The following LRP4 variants were observed in gnomAD, a reference collection of about 807,000 sequenced individuals.
LRP4 encodes LDL receptor related protein 4, also known as low-density lipoprotein receptor-related protein 4.
A neutral mutation model predicts 220.3 loss-of-function variants in LRP4; 95 were observed. That is an observed-to-expected ratio of 0.43 (90% CI 0.37 to 0.51). LRP4 has a LOEUF of 0.51. LRP4 is among the 20% of genes least tolerant of loss of function. LRP4 has a pLI of 0.00. For missense variants in LRP4, 1,925 were observed against 2,567.0 expected (o/e 0.75, Z 5.40); for synonymous variants, 903 against 954.6 (o/e 0.95, Z 1.00).
Position 46,918,210 on chromosome 11 carries a change from C to T in LRP4, c.52+118G>A, listed in dbSNP as rs1941981984. 1.4e-5 allele frequency: 16 copies of T among 1,152,014 alleles called. No homozygotes were observed. In the South Asian group the frequency reaches 2.1e-4, roughly 15 times the overall value. The allele number at this position is 1,152,014 out of a possible 1,614,324, so 71.4% of individuals were successfully genotyped here. The stretch of plus-strand genomic sequence containing the variant: ...TCTCCCCTGCACGCAGCCCCAGGGC[C>T]ACGGCTAGGAGCGAGGGCGAGGGGT... On this transcript the variant is annotated intron_variant, in intron 1 of 37. Coordinates refer to ENST00000378623, the MANE Select transcript of LRP4 (RefSeq NM_002334.4). The surrounding 1 kb of genome is among the most constrained non-coding windows in gnomAD (Gnocchi z 6.0).
At chr11:46,913,425 G>A (rs535885075) in intron 1 of LRP4, among the ~76,000 whole-genome samples, 1 of 152,232 alleles carries the variant, frequency 6.6e-6, no homozygotes, top group Admixed American at 6.5e-5. Context: ...AGACAACAGG[G>A]GTCAAACTTT....
chr11:46,889,906 T>C lies in LRP4; in HGVS notation c.2092+38A>G, dbSNP rs2306035. On this transcript the variant is annotated intron_variant, in intron 15 of 37. Coordinates refer to ENST00000378623, the MANE Select transcript of LRP4 (RefSeq NM_002334.4). ...GAGGCACCAGAGGCCACCTCAACCA[T>C]GAGGCTACTTTGGCTCACCCGGTGG... The C allele has an allele frequency of 0.71, 1,146,823 of 1,612,522 alleles. 420,776 individuals carry two copies. Among genetic ancestry groups the C allele is most frequent in the Non-Finnish European group, 0.76 (894,000 of 1,178,730 alleles).
intron 1 of LRP4, among the ~76,000 whole-genome samples, chr11:46,914,714 G>A (rs1263186483): frequency 6.6e-6 from 1 of 152,180 alleles, no homozygotes; most frequent in Non-Finnish European, 1.5e-5. Context: ...ACCATGGCTG[G>A]AACAGGCTAA....
rs979149766 is a variant in LRP4 at position 46,918,395 on chromosome 11, G to A, written c.-16C>T. ...GCCGCCTCATGGTGCCGCCCGCGCC[G>A]CTCGCCCGGGGTCCCGCCGGCTCCC... On this transcript the variant is annotated 5_prime_UTR_variant, in exon 1 of 38. Transcript: ENST00000378623. The surrounding 1 kb of genome is among the most constrained non-coding windows in gnomAD (Gnocchi z 6.0). The A allele has an allele frequency of 1.4e-6, 2 of 1,421,242 alleles. No individual in the cohort carries two copies. Among genetic ancestry groups the A allele is most frequent in the Admixed American group, 2.6e-5 (1 of 38,442 alleles). The allele number at this position is 1,421,242 out of a possible 1,614,324, so 88.0% of individuals were successfully genotyped here.
intron 35 of LRP4, 37 bp from the exon 36 acceptor site, chr11:46,864,572 G>A (rs369588811): frequency 1.4e-5 from 20 of 1,388,778 alleles, no homozygotes; most frequent in Middle Eastern, 1.8e-4. Flanking sequence ...AGGGGCCACC[G>A]ACAACTTTCT....
chr11:46,868,553 C>T, intron 33 of LRP4, 47 bp downstream of exon 33: 1 of 1,388,416 alleles, frequency 7.2e-7, no homozygotes, highest in Non-Finnish European at 1.0e-6. Flanking sequence ...ACTCTCAGCC[C>T]TTCCAGGGGC....
chr11:46,881,962 A>AG (rs1941173182), intron 19 of LRP4, 59 bp from the exon 20 acceptor site: 2 of 1,536,696 alleles, frequency 1.3e-6, no homozygotes, highest in East Asian at 4.5e-5. Context: ...GCAGGGACTC[A>AG]GAGTACCTAG....
At chr11:46,868,177 A>G in intron 33 of LRP4, 63 bp from the exon 34 acceptor site, 1 of 1,603,672 alleles carries the variant, frequency 6.2e-7, no homozygotes, top group African/African-American at 1.3e-5. Context: ...ATGGCCCAAG[A>G]GTAGCAGCTG....
chr11:46,878,923 G>T lies in LRP4; in HGVS notation c.3120C>A (p.Gly1040=). The T allele has an allele frequency of 6.2e-7, 1 of 1,614,172 alleles. No homozygotes were observed. Among genetic ancestry groups the T allele is most frequent in the Non-Finnish European group, 8.5e-7 (1 of 1,180,052 alleles). The change falls in exon 22 of 38, where the codon GGC becomes GGA. Residue 1040 remains glycine (G), a synonymous_variant. Coordinates refer to ENST00000378623, the MANE Select transcript of LRP4 (RefSeq NM_002334.4). The part of the protein sequence containing the change: ...CPTGINLLSD[G]KTCSPGMNSF... ...TTCACTCACCTGGTGAGCAGGTCTT[G>T]CCATCAGACAGCAGGTTGATGCCTG...
Position 46,891,845 on chromosome 11 carries a change from G to A in LRP4, c.1697+1128C>T, listed in dbSNP as rs189793622. Reference sequence around the variant, plus strand: ...TGCCCAAGCTGGTCTTGAACTCCTGGGCTCAAGCAATCTGCCCACCTCAGC... The same window carrying A: ...TGCCCAAGCTGGTCTTGAACTCCTGAGCTCAAGCAATCTGCCCACCTCAGC... On this transcript the variant is annotated intron_variant, in intron 13 of 37. Coordinates refer to ENST00000378623, the MANE Select transcript of LRP4 (RefSeq NM_002334.4). Among the ~76,000 whole-genome samples the A allele has an allele frequency of 1.1e-3, 173 of 152,052 alleles. 1 individual carries two copies. The highest frequency in any genetic ancestry group is 4.1e-3 in the African/African-American group (172 of 41,482).
intron 31 of LRP4, among the ~76,000 whole-genome samples, chr11:46,870,651 C>G (rs1175253808): frequency 6.6e-6 from 1 of 152,212 alleles, no homozygotes; most frequent in East Asian, 1.9e-4. Context: ...GTCTCAAACT[C>G]TTGGGCTCAA....
rs376434421 is a variant in LRP4 at position 46,902,735 on chromosome 11, C to G, written c.199+48G>C. 8.6e-5 allele frequency: 138 copies of G among 1,611,592 alleles called. No homozygotes were observed. The African/African-American group carries it at 1.6e-3, about 19-fold the overall frequency. On this transcript the variant is annotated intron_variant, in intron 2 of 37. Coordinates refer to ENST00000378623, the MANE Select transcript of LRP4 (RefSeq NM_002334.4). ...ATCAGCCTTGTCCTTGCCCCCCACC[C>G]CCAGGTCCCTCTCCACCACCTCCCA...
chr11:46,862,361 C>T (rs1940580477), intron 37 of LRP4, among the ~76,000 whole-genome samples: 1 of 152,170 alleles, frequency 6.6e-6, no homozygotes, highest in Admixed American at 6.5e-5. Flanking sequence ...CAACTGCTTT[C>T]AGACCTAAAT....
intron 19 of LRP4, among the ~76,000 whole-genome samples, chr11:46,882,665 A>G (rs1170520242): frequency 1.3e-5 from 2 of 151,992 alleles, no homozygotes; most frequent in Admixed American, 6.6e-5. Context: ...CAGCCTAGAC[A>G]ACATAGCAAG....
At position 46,890,412 on chromosome 11, in the gene LRP4, C is replaced by T. The variant is rs779387728; in HGVS notation, c.1780G>A (p.Asp594Asn). The change falls in exon 14 of 38, where the codon GAT (aspartate) becomes AAT (asparagine). Residue 594 changes from aspartate to asparagine, a missense_variant. Transcript: ENST00000378623. This position sits in a 1 kb window ranked among gnomAD's most constrained non-coding sequence, Gnocchi z 5.3. ...MDGSGRRIIA[D>N]THLFWPNGLT... ...CCATTGGGCCAGAAGAGATGGGTAT[C>T]GGCAATGATGCGGCGTCCAGAGCCA... 2.5e-6 allele frequency: 4 copies of T among 1,613,984 alleles called. No homozygotes were observed. Among genetic ancestry groups the T allele is most frequent in the Admixed American group, 1.7e-5 (1 of 59,998 alleles).
In LRP4 at chr11:46,873,165, C is replaced by A; in HGVS notation, c.4518G>T (p.Arg1506=). The change falls in exon 30 of 38, where the codon CGG becomes CGT. Residue 1506 remains arginine (R), a synonymous_variant. Coordinates refer to ENST00000378623, the MANE Select transcript of LRP4 (RefSeq NM_002334.4). This position sits in a 1 kb window ranked among gnomAD's most constrained non-coding sequence, Gnocchi z 4.2. The stretch of plus-strand genomic sequence containing the variant: ...CCAGGTCTGTGTTGATGAGGACCTT[C>A]CGCTCAGAACCATCCAAGTTTGCCC... The part of the protein sequence containing the change: ...IERANLDGSE[R]KVLINTDLGW... The A allele has an allele frequency of 6.2e-7, 1 of 1,614,218 alleles. No individual in the cohort carries two copies. The highest frequency in any genetic ancestry group is 8.5e-7 in the Non-Finnish European group (1 of 1,180,034).
intron 1 of LRP4, 118 bp from the exon 2 acceptor site, chr11:46,903,047 CACT>C: frequency 8.1e-7 from 1 of 1,228,588 alleles, no homozygotes; most frequent in Non-Finnish European, 1.2e-6. Flanking sequence ...GTCACAGTGA[CACT>C]TCAAGGGAGA....
chr11:46,882,171 A>T (rs1941177766), intron 19 of LRP4, among the ~76,000 whole-genome samples: 1 of 152,210 alleles, frequency 6.6e-6, no homozygotes, highest in Non-Finnish European at 1.5e-5. Context: ...ATAAAGAAAG[A>T]GGAGGGGTGA....
At position 46,873,430 on chromosome 11, in the gene LRP4, G is replaced by A. The variant is rs1402391172; in HGVS notation, c.4393C>T (p.Leu1465=). ...GGCTCATCCAGGCTATTGTTGATCA[G>A]TACTTTGCGGCAGGAACCATCCAGC... ...SRLDGSCRKV[L]INNSLDEPRA... Residue 1465 remains leucine, a synonymous_variant, in exon 29 of 38, where the codon CTG becomes TTG. Transcript: ENST00000378623. This position sits in a 1 kb window ranked among gnomAD's most constrained non-coding sequence, Gnocchi z 4.2. 6.2e-7 allele frequency: 1 copy of A among 1,614,056 alleles called. No individual in the cohort carries two copies.
Sources: gnomAD v4.1 joint callset for allele counts (sites outside exome capture counted in the v4.1 genomes callset) on GRCh38, gnomAD v4.1.1 for gene constraint, Gnocchi (gnomAD v3.1) non-coding constraint, MANE v1.5 for transcripts, NCBI Gene and HGNC (gene_info 2026-07-23, HGNC 2026-07-21) for gene names.